Variants in RCAN3 observed in about 807,000 individuals in gnomAD.
RCAN3 encodes regulator of calcineurin 3.
A neutral mutation model predicts 21.9 loss-of-function variants in RCAN3; 19 were observed. The observed-to-expected ratio is 0.87, with a 90% confidence interval of 0.61 to 1.27. RCAN3 has a LOEUF of 1.27. RCAN3 is among the 50% of genes most tolerant of loss of function. The probability of loss-of-function intolerance (pLI) is 0.00; values close to 1 mark genes in which losing one functional copy is unlikely to be tolerated. For missense variants in RCAN3, 240 were observed against 300.1 expected (o/e 0.80, Z 1.48); for synonymous variants, 114 against 112.3 (o/e 1.01, Z -0.09).
intron 1 of RCAN3, among the ~76,000 whole-genome samples, chr1:24,508,896 C>A (rs1008566274): frequency 2.0e-5 from 3 of 152,158 alleles, no homozygotes; most frequent in East Asian, 1.9e-4. Context: ...TGTGGTGGCT[C>A]ACACCTATAG....
At chr1:24,531,166 TC>T in intron 2 of RCAN3, 51 bp from the exon 3 acceptor site, 1 of 1,250,932 alleles carries the variant, frequency 8.0e-7, no homozygotes, top group Non-Finnish European at 1.1e-6. Flanking sequence ...TAAAGGTTTT[TC>T]TTTTTTTTTT....
chr1:24,523,271 G>C (rs973245781), intron 2 of RCAN3, among the ~76,000 whole-genome samples: 1 of 152,018 alleles, frequency 6.6e-6, no homozygotes, highest in African/African-American at 2.4e-5. Flanking sequence ...CACCATGTTG[G>C]CCAGGCTGGT....
chr1:24,502,540 G>T (rs899966226), upstream of RCAN3: 1 of 152,298 alleles, frequency 6.6e-6, no homozygotes, highest in Non-Finnish European at 1.5e-5. Flanking sequence ...CCTATGAGCT[G>T]CTCCGGGGAC....
chr1:24,518,465 C>T (rs1354695017), intron 2 of RCAN3, among the ~76,000 whole-genome samples: 2 of 152,206 alleles, frequency 1.3e-5, no homozygotes, highest in Non-Finnish European at 2.9e-5. Flanking sequence ...TATGCATGTA[C>T]TCTGCTAATC....
At chr1:24,524,012 A>T (rs558419613) in intron 2 of RCAN3, among the ~76,000 whole-genome samples, 1 of 152,290 alleles carries the variant, frequency 6.6e-6, no homozygotes, top group South Asian at 2.1e-4. Context: ...GATCACCCTG[A>T]GGTCAGGAGT....
chr1:24,534,631 C>T (rs1180917969), intron 4 of RCAN3, among the ~76,000 whole-genome samples: 1 of 148,358 alleles, frequency 6.7e-6, no homozygotes, highest in Admixed American at 6.7e-5. Context: ...AAAAAACCAT[C>T]TCGACTGAAA....
chr1:24,533,317 C>A, intron 4 of RCAN3, 63 bp downstream of exon 4: 1 of 1,301,526 alleles, frequency 7.7e-7, no homozygotes, highest in Non-Finnish European at 1.0e-6. Flanking sequence ...AGATCGTATT[C>A]AGCAGTGTGC....
intron 2 of RCAN3, among the ~76,000 whole-genome samples, chr1:24,523,976 A>G (rs1649040799): frequency 6.6e-6 from 1 of 152,206 alleles, no homozygotes; most frequent in Admixed American, 6.5e-5. Context: ...CTGTAATCCC[A>G]GCACTTTGGG....
In RCAN3 at chr1:24,525,212, C is replaced by T. The variant is rs1277560173; in HGVS notation, c.196-6006C>T. ...TTCCCATATGGCCTTTTCCACTTTT[C>T]TCCTTTACTGATGCCTATTATCCAG... On this transcript the variant is annotated intron_variant, in intron 2 of 4. Coordinates refer to ENST00000374395, the MANE Select transcript of RCAN3 (RefSeq NM_013441.4). This position sits in a 1 kb window ranked among gnomAD's most constrained non-coding sequence, Gnocchi z 4.1. 6.6e-6 allele frequency among the ~76,000 whole-genome samples: 1 copy of T among 152,138 alleles called. No individual in the cohort carries two copies. Among genetic ancestry groups the T allele is most frequent in the Non-Finnish European group, 1.5e-5 (1 of 68,040 alleles).
intron 2 of RCAN3, among the ~76,000 whole-genome samples, chr1:24,522,369 AT>A (rs1248501401): frequency 6.6e-6 from 1 of 152,158 alleles, no homozygotes; most frequent in African/African-American, 2.4e-5. Flanking sequence ...GCTCAGCCTT[AT>A]TGATGCATGC....
intron 1 of RCAN3, among the ~76,000 whole-genome samples, chr1:24,510,483 C>T (rs980221940): frequency 7.9e-5 from 12 of 152,216 alleles, no homozygotes; most frequent in Non-Finnish European, 1.6e-4. Flanking sequence ...CAGTTCCTTT[C>T]CTTCAGCCTC....
At chr1:24,507,253 A>G (rs2148890811) in intron 1 of RCAN3, among the ~76,000 whole-genome samples, 1 of 152,120 alleles carries the variant, frequency 6.6e-6, no homozygotes, top group Non-Finnish European at 1.5e-5. Context: ...TGCTGGTCCT[A>G]CTGTCTTCCT....
In RCAN3 at chr1:24,535,741, C is replaced by A. The variant is rs1009276233; in HGVS notation, c.*464C>A. ...TATAAATAGCTTCTAATTAATAAAT[C>A]GATCAAAGGTTGTTACTCAGTATAC... On this transcript the variant is annotated 3_prime_UTR_variant, in exon 5 of 5. Transcript: ENST00000374395. 2 of 153,010 alleles carry A rather than the reference C, an allele frequency of 1.3e-5. No homozygotes were observed. Among genetic ancestry groups the A allele is most frequent in the Non-Finnish European group, 2.9e-5 (2 of 68,724 alleles). 9.5% of individuals were successfully genotyped at this position (153,010 alleles called of 1,614,324 possible).
At position 24,539,070 on chromosome 1, in the gene RCAN3, T is replaced by C. The variant is rs1650380290; in HGVS notation, c.*3793T>C. The C allele has an allele frequency of 6.6e-6, 1 of 152,208 alleles. No homozygotes were observed. The highest frequency in any genetic ancestry group is 2.4e-5 in the African/African-American group (1 of 41,454). 9.4% of individuals were successfully genotyped at this position (152,208 alleles called of 1,614,324 possible). ...TTGGAAATCATATACTCTATCCCCA[T>C]GTTACACAGATTAGAAAAACTGAGG... On this transcript the variant is annotated 3_prime_UTR_variant, in exon 5 of 5. Coordinates refer to ENST00000374395, the MANE Select transcript of RCAN3 (RefSeq NM_013441.4).
Position 24,535,960 on chromosome 1 carries a change from C to T in RCAN3, c.*683C>T, listed in dbSNP as rs1386169779. ...CAAAGCAATGCACAGGCCCTCATTC[C>T]TGATGTGGCGCCCTCCAGACATGGC... On this transcript the variant is annotated 3_prime_UTR_variant, in exon 5 of 5. Coordinates refer to ENST00000374395, the MANE Select transcript of RCAN3 (RefSeq NM_013441.4). 1.3e-5 allele frequency: 2 copies of T among 152,154 alleles called. No homozygotes were observed. Among genetic ancestry groups the T allele is most frequent in the Non-Finnish European group, 2.9e-5 (2 of 68,046 alleles). The allele number at this position is 152,154 out of a possible 1,614,324, so 9.4% of individuals were successfully genotyped here.
At chr1:24,517,174 G>GCGCA (rs1163174071) in intron 2 of RCAN3, among the ~76,000 whole-genome samples, 1 of 151,800 alleles carries the variant, frequency 6.6e-6, no homozygotes, top group Non-Finnish European at 1.5e-5. Flanking sequence ...GAGTGCAATG[G>GCGCA]CGCAGTCTCG....
intron 2 of RCAN3, among the ~76,000 whole-genome samples, chr1:24,517,145 C>T (rs533221679): frequency 6.6e-6 from 1 of 151,126 alleles, no homozygotes; most frequent in African/African-American, 2.4e-5. Context: ...CCTTCTCTGC[C>T]TCCCAGGCTG....
intron 1 of RCAN3, among the ~76,000 whole-genome samples, chr1:24,504,020 T>G (rs1158399243): frequency 2.0e-5 from 3 of 152,240 alleles, no homozygotes; most frequent in African/African-American, 7.2e-5. Flanking sequence ...GAGCCAGATA[T>G]GCATCACACA....
rs371463195 is a variant in RCAN3 at position 24,517,387 on chromosome 1, T to G, written c.195+2820T>G. 4.6e-5 allele frequency among the ~76,000 whole-genome samples: 7 copies of G among 152,212 alleles called. No homozygotes were observed. In the South Asian group the frequency reaches 8.3e-4, roughly 18 times the overall value. ...CCACCTTGGCCTCCCAAAGTGCTGG[T>G]ATTACAGGCGTGAGCCACCGTATCC... On this transcript the variant is annotated intron_variant, in intron 2 of 4. Transcript: ENST00000374395.
Sources: allele counts gnomAD v4.1 joint callset (sites outside exome capture counted in the v4.1 genomes callset), GRCh38; gene constraint gnomAD v4.1.1; non-coding constraint Gnocchi (gnomAD v3.1); transcripts MANE v1.5; gene names NCBI Gene and HGNC (gene_info 2026-07-23, HGNC 2026-07-21).